ATXN7: variants seen among roughly 807,000 people sequenced by gnomAD.
The protein encoded by ATXN7 is ataxin 7.
Under a neutral mutation model 70.5 loss-of-function variants are expected in ATXN7, and 12 were observed. The observed-to-expected ratio is 0.17, with a 90% confidence interval of 0.11 to 0.28. ATXN7 has a LOEUF of 0.28. ATXN7 is among the 10% of genes least tolerant of loss of function. The pLI, the probability that ATXN7 is intolerant of heterozygous loss-of-function variation, is 1.00. For synonymous variants in ATXN7, 498 were observed against 448.7 expected (o/e 1.11, Z -1.39); for missense variants, 1,256 against 1,131.7 (o/e 1.11, Z -1.58).
At chr3:63,950,593 A>G (rs961735881) in intron 4 of ATXN7, among the ~76,000 whole-genome samples, 8 of 152,218 alleles carry the variant, frequency 5.3e-5, no homozygotes, top group African/African-American at 1.9e-4. Context: ...GCACAGAAGC[A>G]TATGGAACTT....
chr3:63,940,475 C>G (rs984342871), intron 4 of ATXN7, among the ~76,000 whole-genome samples: 32 of 152,084 alleles, frequency 2.1e-4, no homozygotes, highest in Admixed American at 6.6e-5. Flanking sequence ...CACAATATAC[C>G]TGACAGATGT....
At chr3:63,923,295 C>T (rs955429532) in intron 4 of ATXN7, among the ~76,000 whole-genome samples, 3 of 152,176 alleles carry the variant, frequency 2.0e-5, no homozygotes, top group Admixed American at 6.5e-5. Context: ...GCCAGGTTTT[C>T]TGATGGGTGT....
intron 4 of ATXN7, among the ~76,000 whole-genome samples, chr3:63,926,441 A>T (rs1285970594): frequency 6.6e-6 from 1 of 152,186 alleles, no homozygotes; most frequent in Non-Finnish European, 1.5e-5. Context: ...ACACAGAAGG[A>T]ACAGCAAATC....
chr3:63,947,513 G>A (rs1251679272), intron 4 of ATXN7, among the ~76,000 whole-genome samples: 1 of 152,144 alleles, frequency 6.6e-6, no homozygotes, highest in East Asian at 1.9e-4. Context: ...GATCGTTTGA[G>A]CCTGGGAGAT....
At chr3:63,872,002 C>T (rs1466133713) in intron 1 of ATXN7, among the ~76,000 whole-genome samples, 1 of 151,960 alleles carries the variant, frequency 6.6e-6, no homozygotes, top group Non-Finnish European at 1.5e-5. Context: ...ATAATTTTAG[C>T]AAATTTTCAC....
intron 1 of ATXN7, among the ~76,000 whole-genome samples, chr3:63,879,334 AT>A (rs769961648): frequency 6.6e-6 from 1 of 152,204 alleles, no homozygotes; most frequent in Non-Finnish European, 1.5e-5. Context: ...TTAAACTAAC[AT>A]TTAAAAAATA....
At chr3:63,972,103 G>C (rs1402199466) in intron 5 of ATXN7, among the ~76,000 whole-genome samples, 3 of 152,150 alleles carry the variant, frequency 2.0e-5, no homozygotes, top group Admixed American at 6.5e-5. Flanking sequence ...GGATTAATTG[G>C]GAGCTGTATA....
intron 1 of ATXN7, among the ~76,000 whole-genome samples, chr3:63,877,870 A>G (rs1702792360): frequency 6.6e-6 from 1 of 152,212 alleles, no homozygotes; most frequent in African/African-American, 2.4e-5. Flanking sequence ...TCTCCTTGGT[A>G]AGAGAAAAAT....
intron 4 of ATXN7, among the ~76,000 whole-genome samples, chr3:63,938,444 A>C (rs1361921567): frequency 1.3e-5 from 2 of 152,238 alleles, no homozygotes; most frequent in African/African-American, 4.8e-5. Flanking sequence ...ATTAACCAGC[A>C]GTTAACACTC....
intron 5 of ATXN7, among the ~76,000 whole-genome samples, chr3:63,954,013 T>A (rs1332810165): frequency 2.6e-5 from 4 of 152,120 alleles, no homozygotes; most frequent in Non-Finnish European, 5.9e-5. Flanking sequence ...GGGTTAAGAG[T>A]CACACCATCA....
chr3:63,948,006 A>T (rs2074891638), intron 4 of ATXN7, among the ~76,000 whole-genome samples: 1 of 152,068 alleles, frequency 6.6e-6, no homozygotes, highest in Non-Finnish European at 1.5e-5. Context: ...TTCCAAGAGG[A>T]GTAGAAAGCC....
At chr3:63,892,984 G>A (rs1426962480) in intron 1 of ATXN7, among the ~76,000 whole-genome samples, 2 of 152,164 alleles carry the variant, frequency 1.3e-5, no homozygotes, top group Non-Finnish European at 2.9e-5. Flanking sequence ...GGTGGGAATT[G>A]TGGTGTATTG....
At chr3:63,892,535 G>A (rs1703314062) in intron 1 of ATXN7, among the ~76,000 whole-genome samples, 1 of 151,652 alleles carries the variant, frequency 6.6e-6, no homozygotes, top group African/African-American at 2.4e-5. Context: ...GTCAACCGGA[G>A]TACTGGACTT....
intron 1 of ATXN7, among the ~76,000 whole-genome samples, chr3:63,875,443 G>C (rs947589153): frequency 2.6e-5 from 4 of 152,176 alleles, no homozygotes; most frequent in Admixed American, 6.5e-5. Flanking sequence ...GACCATGACA[G>C]TGTGTAATGG....
intron 12 of ATXN7, chr3:63,997,783 A>G: frequency 6.7e-7 from 1 of 1,503,030 alleles, no homozygotes; most frequent in Non-Finnish European, 8.9e-7. Flanking sequence ...AAATACCAAG[A>G]AGTTTCTTAG....
At chr3:63,944,392 A>C (rs1239552995) in intron 4 of ATXN7, among the ~76,000 whole-genome samples, 4 of 152,208 alleles carry the variant, frequency 2.6e-5, no homozygotes, top group Non-Finnish European at 5.9e-5. Context: ...ATTAAGTAAT[A>C]AGTATTACTT....
chr3:63,956,348 G>A (rs1327658415), intron 5 of ATXN7, among the ~76,000 whole-genome samples: 1 of 149,114 alleles, frequency 6.7e-6, no homozygotes, highest in Non-Finnish European at 1.5e-5. Context: ...GTGAACGCTG[G>A]AGGTGGAGCT....
At chr3:63,973,007 G>T (rs775045151) in intron 5 of ATXN7, among the ~76,000 whole-genome samples, 1 of 152,136 alleles carries the variant, frequency 6.6e-6, no homozygotes, top group Non-Finnish European at 1.5e-5. Flanking sequence ...GTCCACAGTA[G>T]GCTCTGTGCT....
intron 8 of ATXN7, among the ~76,000 whole-genome samples, chr3:63,985,694 C>T (rs2106772295): frequency 6.6e-6 from 1 of 152,132 alleles, no homozygotes; most frequent in East Asian, 1.9e-4. Flanking sequence ...ATCCTCACTG[C>T]CCCTCCTCAC....
Sources: gnomAD v4.1 joint callset for allele counts (sites outside exome capture counted in the v4.1 genomes callset) on GRCh38, gnomAD v4.1.1 for gene constraint, MANE v1.5 for transcripts, NCBI Gene and HGNC (gene_info 2026-07-23, HGNC 2026-07-21) for gene names.